SETBP1: variants seen among roughly 807,000 people sequenced by gnomAD.
SETBP1 encodes the protein SET-binding protein.
Under a neutral mutation model 101.0 loss-of-function variants are expected in SETBP1, and 9 were observed. The ratio of observed to expected loss-of-function variants is 0.09; its 90% CI spans 0.05 to 0.16. The LOEUF is 0.16. SETBP1 is among the 10% of genes least tolerant of loss of function. SETBP1 has a pLI of 1.00. For missense variants in SETBP1, 1,858 were observed against 2,033.8 expected (o/e 0.91, Z 1.66); for synonymous variants, 818 against 788.5 (o/e 1.04, Z -0.63).
At position 44,951,594 on chromosome 18, in the gene SETBP1, G is replaced by C; in HGVS notation, c.2254G>C (p.Val752Leu). 1 of 1,614,170 alleles carries C rather than the reference G, an allele frequency of 6.2e-7. No individual in the cohort carries two copies. The highest frequency in any genetic ancestry group is 8.5e-7 in the Non-Finnish European group (1 of 1,180,040). The part of the protein sequence containing the change: ...PKTAIKHPRP[V>L]SSQPDVPAVP... ...AACAGCCATCAAGCACCCCAGGCCT[G>C]TTTCTAGCCAGCCGGATGTTCCAGC... The change falls in exon 4 of 6, where the codon GTT becomes CTT. Residue 752 changes from valine to leucine, a missense_variant. Physicochemically the swap from Val to Leu is conservative, Grantham distance 32. This residue lies in a region of SETBP1 where 121 missense variants were observed against 138.0 expected (regional missense o/e 0.88). Coordinates refer to ENST00000649279, the MANE Select transcript of SETBP1 (RefSeq NM_015559.3). This position sits in a 1 kb window ranked among gnomAD's most constrained non-coding sequence, Gnocchi z 7.8.
intron 2 of SETBP1, among the ~76,000 whole-genome samples, chr18:44,827,481 C>G (rs966357669): frequency 4.6e-5 from 7 of 152,158 alleles, no homozygotes; most frequent in Middle Eastern, 3.2e-3. Context: ...CAGACAGCCC[C>G]CATGATAGCT....
At chr18:44,773,793 CCTCTCTCT>C (rs377709717) in intron 2 of SETBP1, among the ~76,000 whole-genome samples, 19 of 133,332 alleles carry the variant, frequency 1.4e-4, no homozygotes, top group Non-Finnish European at 2.1e-4. Context: ...TCTCAACCAG[CCTCTCTCT>C]CTCTCTCTCT....
intron 4 of SETBP1, among the ~76,000 whole-genome samples, chr18:45,022,703 G>C (rs1478833372): frequency 1.3e-5 from 2 of 152,146 alleles, no homozygotes; most frequent in Non-Finnish European, 2.9e-5. Context: ...GGTGGCAGGT[G>C]CCTGTAATCC....
rs753178545 is a variant in SETBP1 at position 44,952,727 on chromosome 18, G to A, written c.3387G>A (p.Gln1129=). Residue 1129 remains glutamine, a synonymous_variant, in exon 4 of 6, where the codon CAG becomes CAA. Transcript: ENST00000649279. ...GPVSMGLGDM[Q]PSLNPPKVGS... The stretch of plus-strand genomic sequence containing the variant: ...TTAGCATGGGCCTTGGTGACATGCA[G>A]CCTTCTCTGAACCCTCCCAAGGTAG... 2 of 1,614,126 alleles carry A rather than the reference G, an allele frequency of 1.2e-6. No homozygotes were observed. The highest frequency in any genetic ancestry group is 1.7e-6 in the Non-Finnish European group (2 of 1,180,026).
chr18:44,706,916 G>A (rs2069232407), intron 2 of SETBP1, among the ~76,000 whole-genome samples: 1 of 152,170 alleles, frequency 6.6e-6, no homozygotes, highest in Non-Finnish European at 1.5e-5. Flanking sequence ...TAACTCAGAG[G>A]AAGATTTTAG....
At chr18:44,984,524 C>T (rs886636050) in intron 4 of SETBP1, among the ~76,000 whole-genome samples, 1 of 152,152 alleles carries the variant, frequency 6.6e-6, no homozygotes, top group Non-Finnish European at 1.5e-5. Context: ...CTCTTGCTGT[C>T]CAGCCCAGGT....
chr18:44,977,794 G>C (rs1017684200), intron 4 of SETBP1, among the ~76,000 whole-genome samples: 7 of 152,160 alleles, frequency 4.6e-5, no homozygotes, highest in African/African-American at 1.7e-4. Context: ...CCTGAGAGGA[G>C]AGAACACCTT....
intron 5 of SETBP1, among the ~76,000 whole-genome samples, chr18:45,058,623 T>C (rs1260750297): frequency 6.6e-6 from 1 of 152,230 alleles, no homozygotes; most frequent in Non-Finnish European, 1.5e-5. Context: ...GTTTCTACTG[T>C]ACCATACTCT....
At chr18:45,026,030 A>G (rs1440362961) in intron 4 of SETBP1, among the ~76,000 whole-genome samples, 2 of 152,220 alleles carry the variant, frequency 1.3e-5, no homozygotes, top group Non-Finnish European at 2.9e-5. Context: ...TAGCATTGAG[A>G]TCTGTATTAC....
At chr18:45,058,374 C>T (rs1190573110) in intron 5 of SETBP1, among the ~76,000 whole-genome samples, 1 of 152,132 alleles carries the variant, frequency 6.6e-6, no homozygotes, top group Admixed American at 6.5e-5. Flanking sequence ...AAGTTCTCCT[C>T]CCCCCACACT....
At chr18:44,758,544 G>A (rs1453546998) in intron 2 of SETBP1, among the ~76,000 whole-genome samples, 3 of 152,096 alleles carry the variant, frequency 2.0e-5, no homozygotes, top group Non-Finnish European at 4.4e-5. Context: ...CACCACGCCC[G>A]GCTAATTTTT....
intron 3 of SETBP1, chr18:44,871,380 C>G (rs1160892365): frequency 6.6e-6 from 1 of 152,244 alleles, no homozygotes; most frequent in African/African-American, 2.4e-5. Context: ...TCAGATGAAA[C>G]TGAGTCCCAC....
At chr18:44,848,143 A>C (rs1011241190) in intron 2 of SETBP1, among the ~76,000 whole-genome samples, 6 of 151,928 alleles carry the variant, frequency 3.9e-5, no homozygotes, top group Non-Finnish European at 7.4e-5. Context: ...TAGTGCAAGT[A>C]ACTAGGATTG....
At chr18:44,797,433 A>C (rs2071503673) in intron 2 of SETBP1, among the ~76,000 whole-genome samples, 1 of 152,238 alleles carries the variant, frequency 6.6e-6, no homozygotes. Context: ...ATTTTGCATT[A>C]ATCGCAGAGC....
rs1568026322 is a variant in SETBP1 at position 45,010,854 on chromosome 18, AT to A, written c.4001-27628del. Among the ~76,000 whole-genome samples the A allele has an allele frequency of 5.9e-5, 9 of 152,326 alleles. No individual in the cohort carries two copies. The South Asian group carries it at 1.9e-3, about 32-fold the overall frequency. On this transcript the variant is annotated intron_variant, in intron 4 of 5. Coordinates refer to ENST00000649279, the MANE Select transcript of SETBP1 (RefSeq NM_015559.3). Reference sequence around the variant, plus strand: ...AATTCAGGCTTAAGGGGATTAAGTAATTTCTCGAGGTCATGGTTGTCATAGC... The same window carrying A: ...AATTCAGGCTTAAGGGGATTAAGTAATTCTCGAGGTCATGGTTGTCATAGC...
At chr18:44,969,796 C>T (rs1483823589) in intron 4 of SETBP1, among the ~76,000 whole-genome samples, 1 of 152,170 alleles carries the variant, frequency 6.6e-6, no homozygotes, top group Non-Finnish European at 1.5e-5. Flanking sequence ...CAAACTCTAC[C>T]GCTTCTTGCA....
Position 44,906,807 on chromosome 18 carries a change from A to G in SETBP1, c.540+37524A>G, listed in dbSNP as rs961344801. ...TGGTGGTCATGCTCATAATTGTATG[A>G]CCTTGATAATGCTCTTAAACCCTTT... On this transcript the variant is annotated intron_variant, in intron 3 of 5. Coordinates refer to ENST00000649279, the MANE Select transcript of SETBP1 (RefSeq NM_015559.3). 3.3e-5 allele frequency among the ~76,000 whole-genome samples: 5 copies of G among 152,312 alleles called. No homozygotes were observed. In the South Asian group the frequency reaches 6.2e-4, roughly 19 times the overall value.
At chr18:44,725,098 C>T (rs1014163024) in intron 2 of SETBP1, among the ~76,000 whole-genome samples, 1 of 152,062 alleles carries the variant, frequency 6.6e-6, no homozygotes, top group Non-Finnish European at 1.5e-5. Context: ...TAGTAGCTGC[C>T]CATAGAGTTA....
intron 4 of SETBP1, among the ~76,000 whole-genome samples, chr18:45,038,036 C>T (rs753387357): frequency 2.6e-5 from 4 of 152,168 alleles, no homozygotes; most frequent in African/African-American, 7.2e-5. Context: ...CAAGCCTGCA[C>T]GAGCTTGCTG....
Sources: gnomAD v4.1 joint callset for allele counts (sites outside exome capture counted in the v4.1 genomes callset) on GRCh38, gnomAD v4.1.1 for gene constraint, gnomAD v4.1.1 regional missense constraint, Gnocchi (gnomAD v3.1) non-coding constraint, MANE v1.5 for transcripts, NCBI Gene and HGNC (gene_info 2026-07-23, HGNC 2026-07-21) for gene names.